Variants in TRMT11 observed in about 807,000 individuals in gnomAD.
TRMT11 encodes the protein tRNA methyltransferase 11.
Under a neutral mutation model 62.8 loss-of-function variants are expected in TRMT11, and 53 were observed. The ratio of observed to expected loss-of-function variants is 0.84; its 90% CI spans 0.68 to 1.06. The LOEUF is 1.06. TRMT11 is among the 50% of genes least tolerant of loss of function. The pLI is 0.00. For missense variants in TRMT11, 556 were observed against 553.4 expected (o/e 1.00, Z -0.05); for synonymous variants, 188 against 190.3 (o/e 0.99, Z 0.10).
intron 2 of TRMT11, chr6:126,198,910 T>C (rs1238841305): frequency 1.3e-5 from 2 of 152,362 alleles, no homozygotes; most frequent in South Asian, 2.1e-4. Flanking sequence ...CCTTGATGTG[T>C]AGTTAAAACG....
At chr6:126,068,635 G>T (rs1776757372) in intron 17 of TRMT11, among the ~76,000 whole-genome samples, 1 of 152,090 alleles carries the variant, frequency 6.6e-6, no homozygotes, top group African/African-American at 2.4e-5. Context: ...TTTAATCATT[G>T]TAACTTTAGA....
At chr6:126,057,416 G>A (rs1776403922) in intron 17 of TRMT11, among the ~76,000 whole-genome samples, 1 of 152,204 alleles carries the variant, frequency 6.6e-6, no homozygotes, top group Non-Finnish European at 1.5e-5. Flanking sequence ...TTTGGCTGGA[G>A]GCACTGATTG....
chr6:126,209,741 AAAAAC>A, the TRMT11 span, among the ~76,000 whole-genome samples: 3 of 152,126 alleles, frequency 2.0e-5, no homozygotes, highest in Non-Finnish European at 2.9e-5. Context: ...AAAAAGAAAC[AAAAAC>A]AAAACAACAA....
intron 21 of TRMT11, among the ~76,000 whole-genome samples, chr6:126,157,197 T>G (rs901947669): frequency 4.6e-5 from 7 of 152,200 alleles, no homozygotes; most frequent in Non-Finnish European, 1.0e-4. Context: ...TGATACCTCG[T>G]CCACACTTCC....
the TRMT11 span, among the ~76,000 whole-genome samples, chr6:126,240,407 T>A: frequency 6.6e-6 from 1 of 152,228 alleles, no homozygotes; most frequent in Non-Finnish European, 1.5e-5. Flanking sequence ...TCATTTCTGT[T>A]TGTTAGTTTT....
intron 17 of TRMT11, among the ~76,000 whole-genome samples, chr6:126,080,538 T>C (rs1195757710): frequency 6.6e-6 from 1 of 152,162 alleles, no homozygotes; most frequent in African/African-American, 2.4e-5. Context: ...GAGGAAGGAT[T>C]CTGCATCATT....
chr6:125,997,925 C>CAA (rs1791830753), intron 3 of TRMT11, 128 bp from the exon 4 acceptor site: 4 of 662,576 alleles, frequency 6.0e-6, no homozygotes, highest in Non-Finnish European at 2.7e-6. Flanking sequence ...ATAACCGATT[C>CAA]ATTTATACTT....
At position 126,093,622 on chromosome 6, in the gene TRMT11, TA is replaced by T. The variant is rs1423728582; in HGVS notation, c.*1438-19243del. Among the ~76,000 whole-genome samples, 44 of 99,408 alleles carry T rather than the reference TA, an allele frequency of 4.4e-4. 4 individuals are homozygous for T. Among genetic ancestry groups the T allele is most frequent in the African/African-American group, 2.3e-3 (39 of 17,256 alleles). 65.2% of individuals were successfully genotyped at this position (99,408 alleles called of 152,430 possible). A position where few individuals can be genotyped will look rare whatever the true frequency, so the allele number is the denominator to read the frequency against. On this transcript the variant is annotated intron_variant and NMD_transcript_variant, in intron 17 of 22. Transcript: ENST00000648977. ...ATATATATATATATATATATATATA[TA>T]TATATATATTTTCCCCCAGTCCTGG...
chr6:126,198,178 T>C (rs545308055), intron 1 of TRMT11, among the ~76,000 whole-genome samples: 1 of 152,220 alleles, frequency 6.6e-6, no homozygotes, highest in African/African-American at 2.4e-5. Flanking sequence ...GCCTGATGGG[T>C]TATAAGTCCA....
intron 17 of TRMT11, among the ~76,000 whole-genome samples, chr6:126,090,065 C>T (rs190594687): frequency 6.6e-6 from 1 of 152,296 alleles, no homozygotes; most frequent in Admixed American, 6.5e-5. Context: ...GTGTCAAATG[C>T]CAGCCAGTCC....
intron 21 of TRMT11, among the ~76,000 whole-genome samples, chr6:126,125,112 T>C (rs546060654): frequency 1.4e-4 from 21 of 152,220 alleles, no homozygotes; most frequent in African/African-American, 4.8e-4. Context: ...GGGTCATTTC[T>C]TTTTGAATCT....
chr6:126,219,222 TAGTTGTTA>T, the TRMT11 span, among the ~76,000 whole-genome samples: 1 of 152,134 alleles, frequency 6.6e-6, no homozygotes, highest in Admixed American at 6.5e-5. Flanking sequence ...TGTGTGTAGA[TAGTTGTTA>T]AGTTTGGTGT....
At chr6:126,116,944 A>G (rs1395279859) in intron 21 of TRMT11, among the ~76,000 whole-genome samples, 1 of 152,090 alleles carries the variant, frequency 6.6e-6, no homozygotes, top group Non-Finnish European at 1.5e-5. Flanking sequence ...AAAATTCCAA[A>G]AAGTTCTCAG....
At position 125,986,607 on chromosome 6, in the gene TRMT11, G is replaced by A; in HGVS notation, c.57G>A (p.Leu19=). 6.3e-7 allele frequency: 1 copy of A among 1,580,404 alleles called. No homozygotes were observed. The highest frequency in any genetic ancestry group is 1.2e-5 in the South Asian group (1 of 86,440). ...RYLLLMAQEH[L]EFRLPEIKSL... is the part of the protein sequence containing the mutation. ...TGCTCCTCATGGCGCAGGAGCATCT[G>A]GAGTTCCGCCTGCCGGTGAGTCCGT... is the stretch of plus-strand genomic sequence containing the variant. The change falls in exon 1 of 13, where the codon CTG becomes CTA. Residue 19 remains leucine, a synonymous_variant. Coordinates refer to ENST00000334379, the MANE Select transcript of TRMT11 (RefSeq NM_001031712.3).
intron 3 of TRMT11, among the ~76,000 whole-genome samples, chr6:125,996,418 T>C (rs1355244930): frequency 6.6e-6 from 1 of 152,212 alleles, no homozygotes; most frequent in Non-Finnish European, 1.5e-5. Context: ...ATTAGTGAAG[T>C]GTAAGGTAAC....
At chr6:126,219,416 A>G in the TRMT11 span, among the ~76,000 whole-genome samples, 1 of 152,178 alleles carries the variant, frequency 6.6e-6, no homozygotes, top group Non-Finnish European at 1.5e-5. Flanking sequence ...AGTCTCTTGC[A>G]GGTACCATGC....
At chr6:126,205,315 C>G (rs893146785), downstream of TRMT11, among the ~76,000 whole-genome samples, 2 of 152,128 alleles carry the variant, frequency 1.3e-5, no homozygotes, top group Non-Finnish European at 2.9e-5. Context: ...CCAGCCTGAC[C>G]AACATGGTGA....
chr6:126,008,495 A>G (rs1793697923), intron 8 of TRMT11, 23 bp downstream of exon 8: 1 of 1,587,958 alleles, frequency 6.3e-7, no homozygotes, highest in Non-Finnish European at 8.6e-7. Flanking sequence ...TATAGACAGT[A>G]TTATAGTCAT....
intron 17 of TRMT11, among the ~76,000 whole-genome samples, chr6:126,097,123 G>T (rs139842942): frequency 5.3e-5 from 8 of 152,252 alleles, no homozygotes; most frequent in Admixed American, 4.6e-4. Context: ...CCCCCGAAAT[G>T]TATGATTTGA....
Sources: allele counts gnomAD v4.1 joint callset (sites outside exome capture counted in the v4.1 genomes callset), GRCh38; gene constraint gnomAD v4.1.1; transcripts MANE v1.5; gene names NCBI Gene and HGNC (gene_info 2026-07-23, HGNC 2026-07-21).